SNX29: variants seen among roughly 807,000 people sequenced by gnomAD.
The protein encoded by SNX29 is sorting nexin-29.
SNX29 carries 78 observed loss-of-function variants against 102.1 expected under a neutral mutation model. That is an observed-to-expected ratio of 0.76 (90% CI 0.64 to 0.92). SNX29 has a LOEUF of 0.92. Among genes scored for constraint, SNX29 ranks in the 40% least tolerant of loss-of-function variants. The probability of loss-of-function intolerance (pLI) is 0.00; values close to 1 mark genes in which losing one functional copy is unlikely to be tolerated. For synonymous variants in SNX29, 580 were observed against 414.5 expected (o/e 1.40, Z -4.85); for missense variants, 1,280 against 1,061.7 (o/e 1.21, Z -2.86).
chr16:12,487,357 G>T (rs1045478856), intron 19 of SNX29, among the ~76,000 whole-genome samples: 2 of 152,186 alleles, frequency 1.3e-5, no homozygotes, highest in African/African-American at 4.8e-5. Context: ...ACTAACACCA[G>T]CCACCATATG....
At chr16:12,054,893 T>A (rs2050456283) in intron 8 of SNX29, among the ~76,000 whole-genome samples, 1 of 152,174 alleles carries the variant, frequency 6.6e-6, no homozygotes, top group Non-Finnish European at 1.5e-5. Context: ...ATGCTGATGG[T>A]TTTTGTTTTT....
chr16:12,291,012 C>T (rs533080058), intron 15 of SNX29, among the ~76,000 whole-genome samples: 2 of 152,226 alleles, frequency 1.3e-5, no homozygotes, highest in South Asian at 2.1e-4. Context: ...ACCACTGAGT[C>T]GAGCCTGTCG....
chr16:12,160,263 CA>C (rs2055728021), intron 13 of SNX29, among the ~76,000 whole-genome samples: 1 of 152,180 alleles, frequency 6.6e-6, no homozygotes, highest in African/African-American at 2.4e-5. Flanking sequence ...TGAGGGGCGT[CA>C]GGGGGCATGG....
In SNX29 at chr16:12,570,254, G is replaced by C. The variant is rs141079929; in HGVS notation, c.*1625G>C. 9.4e-5 allele frequency: 100 copies of C among 1,065,262 alleles called. No homozygotes were observed. In the East Asian group the frequency reaches 3.4e-3, roughly 37 times the overall value. The allele number at this position is 1,065,262 out of a possible 1,614,324, so 66.0% of individuals were successfully genotyped here. A position where few individuals can be genotyped will look rare whatever the true frequency, so the allele number is the denominator to read the frequency against. The stretch of plus-strand genomic sequence containing the variant: ...CCCCGGTGAGACCAAATGAGCTGGA[G>C]CATGTATGGAGGTGCGGACCCTGCA... On this transcript the variant is annotated 3_prime_UTR_variant, in exon 21 of 21. Coordinates refer to ENST00000566228, the MANE Select transcript of SNX29 (RefSeq NM_032167.5).
chr16:12,042,262 C>T (rs1300488468), intron 4 of SNX29, among the ~76,000 whole-genome samples: 1 of 152,164 alleles, frequency 6.6e-6, no homozygotes, highest in Non-Finnish European at 1.5e-5. Context: ...AACTCCTAGC[C>T]TCAAGTGATC....
chr16:12,136,463 A>G (rs539928014), intron 13 of SNX29, among the ~76,000 whole-genome samples: 3 of 152,344 alleles, frequency 2.0e-5, no homozygotes, highest in Non-Finnish European at 1.5e-5. Context: ...ACACCAAATT[A>G]GCTTGGGTCA....
chr16:12,037,684 GT>G (rs962615869), intron 4 of SNX29, among the ~76,000 whole-genome samples: 3 of 151,868 alleles, frequency 2.0e-5, no homozygotes, highest in African/African-American at 7.3e-5. Flanking sequence ...AGGCTCAGTG[GT>G]TTACGCCTGT....
At chr16:12,125,681 C>T (rs1235750346) in intron 11 of SNX29, among the ~76,000 whole-genome samples, 1 of 122,846 alleles carries the variant, frequency 8.1e-6, no homozygotes, top group East Asian at 2.7e-4. Flanking sequence ...TGGTCCTGAA[C>T]TCCTGGGCTC....
intron 13 of SNX29, among the ~76,000 whole-genome samples, chr16:12,175,672 G>A (rs1156635054): frequency 6.6e-6 from 1 of 151,244 alleles, no homozygotes; most frequent in Non-Finnish European, 1.5e-5. Flanking sequence ...AAAAAGTACG[G>A]GGCTGTAATA....
intron 19 of SNX29, among the ~76,000 whole-genome samples, chr16:12,523,848 G>A (rs1215493401): frequency 1.3e-5 from 2 of 152,216 alleles, no homozygotes; most frequent in Admixed American, 6.5e-5. Flanking sequence ...AGCCTGGTAT[G>A]GCCCTATGGG....
chr16:12,323,059 AGTCACCGGGGACCACTGTCAGGATGCG>A (rs1449808166), intron 15 of SNX29, among the ~76,000 whole-genome samples: 305 of 110,582 alleles, frequency 2.8e-3, no homozygotes, highest in Non-Finnish European at 3.4e-3. Flanking sequence ...CGGTCACTGG[AGTCACCGGGGACCACTGTCAGGATGCG>A]GTCACTGGAG....
intron 13 of SNX29, among the ~76,000 whole-genome samples, chr16:12,147,015 C>A (rs912015890): frequency 6.6e-6 from 1 of 152,206 alleles, no homozygotes; most frequent in Non-Finnish European, 1.5e-5. Flanking sequence ...AAGCCATGTG[C>A]TTGTTTATTT....
rs144372723 is a variant in SNX29 at position 12,133,690 on chromosome 16, G to C, written c.1595+3932G>C. Among the ~76,000 whole-genome samples the C allele has an allele frequency of 4.6e-5, 7 of 152,268 alleles. No homozygotes were observed. In the East Asian group the frequency reaches 1.4e-3, roughly 29 times the overall value. ...GACCATGTATTGGCTCAATGTGCTT[G>C]ATAAATACTCAGTAAATGTTAACTA... On this transcript the variant is annotated intron_variant, in intron 13 of 20. Coordinates refer to ENST00000566228, the MANE Select transcript of SNX29 (RefSeq NM_032167.5).
intron 18 of SNX29, among the ~76,000 whole-genome samples, chr16:12,460,299 T>G (rs2086724801): frequency 6.6e-6 from 1 of 152,268 alleles, no homozygotes; most frequent in East Asian, 1.9e-4. Context: ...CATAGTGATT[T>G]CTTTAGTATT....
chr16:12,233,473 A>T (rs1490590052), intron 14 of SNX29, among the ~76,000 whole-genome samples: 1 of 152,174 alleles, frequency 6.6e-6, no homozygotes, highest in African/African-American at 2.4e-5. Context: ...TTGAAAAACT[A>T]CCAGTTGGAT....
At chr16:12,493,578 T>C (rs1309521080) in intron 19 of SNX29, among the ~76,000 whole-genome samples, 1 of 152,182 alleles carries the variant, frequency 6.6e-6, no homozygotes, top group Non-Finnish European at 1.5e-5. Context: ...CTATGTTGAA[T>C]AGGAGTGGTG....
intron 3 of SNX29, among the ~76,000 whole-genome samples, chr16:12,008,614 TAAAAAC>T (rs769117019): frequency 1.3e-5 from 2 of 152,112 alleles, no homozygotes; most frequent in South Asian, 2.1e-4. Flanking sequence ...TCAAAATAGT[TAAAAAC>T]AATATGTTTT....
chr16:12,409,867 C>T (rs1008240984), intron 18 of SNX29, among the ~76,000 whole-genome samples: 2 of 152,218 alleles, frequency 1.3e-5, no homozygotes, highest in Non-Finnish European at 2.9e-5. Context: ...GGATAAATTT[C>T]AGCCTTTGCG....
At chr16:12,053,866 A>G (rs985368561) in intron 8 of SNX29, among the ~76,000 whole-genome samples, 1 of 152,112 alleles carries the variant, frequency 6.6e-6, no homozygotes, top group Non-Finnish European at 1.5e-5. Flanking sequence ...CATTTTACAG[A>G]CAGAAGAACA....
Sources: allele counts gnomAD v4.1 joint callset (sites outside exome capture counted in the v4.1 genomes callset), GRCh38; gene constraint gnomAD v4.1.1; transcripts MANE v1.5; gene names NCBI Gene and HGNC (gene_info 2026-07-23, HGNC 2026-07-21).